Variants in EYS observed in about 807,000 individuals in gnomAD.
EYS encodes the protein EGF-like photoreceptor maintenance factor, also known as protein eyes shut homolog.
A neutral mutation model predicts 282.1 loss-of-function variants in EYS; 250 were observed. The ratio of observed to expected loss-of-function variants is 0.89; its 90% CI spans 0.80 to 0.98. EYS has a LOEUF of 0.98. Among genes scored for constraint, EYS ranks in the 50% least tolerant of loss-of-function variants. EYS has a pLI of 0.00. For synonymous variants in EYS, 1,355 were observed against 1,282.9 expected, an observed-to-expected ratio of 1.06 and a Z score of -1.20; for missense variants, 4,016 against 3,709.0, an observed-to-expected ratio of 1.08 and a Z score of -2.15.
chr6:64,633,737 A>C (rs9363033), intron 22 of EYS, among the ~76,000 whole-genome samples: 2,201 of 152,052 alleles, frequency 0.014, 44 homozygotes, highest in East Asian at 0.096. Context: ...TAGACAGTCT[A>C]TCATAAAGAA....
chr6:65,236,748 CTA>C (rs71656736), intron 12 of EYS, among the ~76,000 whole-genome samples: 2,072 of 152,196 alleles, frequency 0.014, 29 homozygotes, highest in African/African-American at 0.042. Flanking sequence ...CTTTCATGTA[CTA>C]TGACTATAAA....
At chr6:63,803,344 C>A (rs1770824495) in intron 37 of EYS, among the ~76,000 whole-genome samples, 1 of 151,506 alleles carries the variant, frequency 6.6e-6, no homozygotes, top group Admixed American at 6.6e-5. Context: ...TCTTTATTTC[C>A]CTTCCTGCGC....
intron 5 of EYS, among the ~76,000 whole-genome samples, chr6:65,450,913 T>C (rs980054656): frequency 6.6e-6 from 1 of 152,164 alleles, no homozygotes; most frequent in Admixed American, 6.6e-5. Flanking sequence ...TCACCCTTTT[T>C]TGGTATCACC....
At chr6:64,908,558 C>A (rs1767901359) in intron 16 of EYS, among the ~76,000 whole-genome samples, 2 of 151,768 alleles carry the variant, frequency 1.3e-5, no homozygotes, top group African/African-American at 4.8e-5. Context: ...TGAGGTCATG[C>A]AGATGATTGA....
chr6:63,872,557 C>T (rs1396473901), intron 35 of EYS, among the ~76,000 whole-genome samples: 1 of 147,068 alleles, frequency 6.8e-6, no homozygotes, highest in Non-Finnish European at 1.5e-5. Flanking sequence ...CGGTTCACTG[C>T]AGCCTCCACC....
At chr6:65,358,399 T>A (rs1412069639) in intron 8 of EYS, among the ~76,000 whole-genome samples, 2 of 152,018 alleles carry the variant, frequency 1.3e-5, no homozygotes, top group South Asian at 2.1e-4. Flanking sequence ...ACTGTTTGCC[T>A]GGGACTTTCT....
chr6:64,190,984 C>T (rs1337262335), intron 31 of EYS, among the ~76,000 whole-genome samples: 1 of 152,114 alleles, frequency 6.6e-6, no homozygotes, highest in Non-Finnish European at 1.5e-5. Context: ...AACACATTTT[C>T]ATACATTTAC....
intron 19 of EYS, among the ~76,000 whole-genome samples, chr6:64,847,159 G>A (rs1032810331): frequency 6.6e-6 from 1 of 152,026 alleles, no homozygotes; most frequent in Non-Finnish European, 1.5e-5. Context: ...GCCACTGGCT[G>A]TTCTGGTCTA....
chr6:65,687,382 G>GA (rs1253535362), intron 1 of EYS, among the ~76,000 whole-genome samples: 2 of 151,968 alleles, frequency 1.3e-5, no homozygotes, highest in Non-Finnish European at 2.9e-5. Context: ...AATGACAATA[G>GA]AAAAAATCTG....
At chr6:64,916,314 A>G (rs1168271010) in intron 15 of EYS, among the ~76,000 whole-genome samples, 8 of 152,208 alleles carry the variant, frequency 5.3e-5, no homozygotes, top group African/African-American at 1.4e-4. Context: ...TTATCTTCTC[A>G]CATAACAGGT....
intron 12 of EYS, among the ~76,000 whole-genome samples, chr6:65,104,934 T>A (rs1774992411): frequency 6.6e-6 from 1 of 151,646 alleles, no homozygotes; most frequent in Admixed American, 6.6e-5. Context: ...ATACTAATTT[T>A]GTGGAAGACT....
At chr6:64,175,446 G>A (rs1764597963) in intron 31 of EYS, among the ~76,000 whole-genome samples, 1 of 152,172 alleles carries the variant, frequency 6.6e-6, no homozygotes, top group Non-Finnish European at 1.5e-5. Context: ...CTACCGCTGA[G>A]TGTCAAGGAT....
chr6:65,447,887 A>G (rs1768737330), intron 5 of EYS, among the ~76,000 whole-genome samples: 1 of 152,064 alleles, frequency 6.6e-6, no homozygotes, highest in African/African-American at 2.4e-5. Flanking sequence ...GAAGAAAGGA[A>G]AAGCATTTCA....
intron 8 of EYS, among the ~76,000 whole-genome samples, chr6:65,366,589 G>A (rs372674005): frequency 6.6e-6 from 1 of 151,730 alleles, no homozygotes; most frequent in Non-Finnish European, 1.5e-5. Context: ...CAGCTAGCAA[G>A]TTTACTTTGG....
chr6:63,990,994 G>A (rs1252847144), intron 34 of EYS, among the ~76,000 whole-genome samples: 4 of 151,660 alleles, frequency 2.6e-5, no homozygotes, highest in Non-Finnish European at 5.9e-5. Flanking sequence ...TTGACTGAGA[G>A]TGTTAATGGG....
chr6:64,659,357 C>T lies in EYS; in HGVS notation c.3444-33112G>A, dbSNP rs1438743318. On this transcript the variant is annotated intron_variant, in intron 22 of 42. Coordinates refer to ENST00000503581, the MANE Select transcript of EYS (RefSeq NM_001142800.2). ...AAGAAAGAGCAAACACATTCAAAAG[C>T]TAGCAGAAGGCAAGAAATAACTAAG... 3.5e-5 allele frequency among the ~76,000 whole-genome samples: 5 copies of T among 143,888 alleles called. No individual in the cohort carries two copies. The East Asian group carries it at 1.1e-3, about 32-fold the overall frequency. The allele number at this position is 143,888 out of a possible 152,430, so 94.4% of individuals were successfully genotyped here. A position where few individuals can be genotyped will look rare whatever the true frequency, so the allele number is the denominator to read the frequency against.
At chr6:65,532,594 G>A (rs1256555003) in intron 2 of EYS, among the ~76,000 whole-genome samples, 1 of 152,060 alleles carries the variant, frequency 6.6e-6, no homozygotes, top group East Asian at 1.9e-4. Flanking sequence ...TACGTTTAAA[G>A]GGGAAAAAGT....
chr6:65,576,339 C>T (rs1026510170), intron 2 of EYS, among the ~76,000 whole-genome samples: 2 of 151,852 alleles, frequency 1.3e-5, no homozygotes, highest in Non-Finnish European at 2.9e-5. Flanking sequence ...ATATGATTAT[C>T]TCAATGCATG....
chr6:64,708,345 G>A (rs530255268), intron 22 of EYS, among the ~76,000 whole-genome samples: 3 of 152,300 alleles, frequency 2.0e-5, no homozygotes, highest in African/African-American at 7.2e-5. Context: ...TTTTAATAAA[G>A]CAAAATGCTT....
Sources: gnomAD v4.1 joint callset for allele counts (sites outside exome capture counted in the v4.1 genomes callset) on GRCh38, gnomAD v4.1.1 for gene constraint, MANE v1.5 for transcripts, NCBI Gene and HGNC (gene_info 2026-07-23, HGNC 2026-07-21) for gene names.